The following VCL variants were observed in gnomAD, a reference collection of about 807,000 sequenced individuals.
VCL encodes the protein epididymis luminal protein 114.
In VCL, 47 loss-of-function variants were observed where a neutral mutation model predicts 125.7. The ratio of observed to expected loss-of-function variants is 0.37; its 90% CI spans 0.30 to 0.48. VCL has a LOEUF of 0.48. Ranked by LOEUF, VCL falls within the 20% of genes least tolerant of loss-of-function variation. The probability of loss-of-function intolerance (pLI) is 0.99; values close to 1 mark genes in which losing one functional copy is unlikely to be tolerated. For synonymous variants in VCL, 458 were observed against 514.6 expected (o/e 0.89, Z 1.49); for missense variants, 1,069 against 1,455.5 (o/e 0.73, Z 4.32).
intron 1 of VCL, among the ~76,000 whole-genome samples, chr10:74,032,682 A>G (rs1254893713): frequency 2.9e-5 from 4 of 138,458 alleles, no homozygotes; most frequent in Admixed American, 7.7e-5. Context: ...CCTGGGTAAC[A>G]AAGTAAGTCT....
At chr10:74,017,116 C>T (rs539120478) in intron 1 of VCL, among the ~76,000 whole-genome samples, 6 of 134,762 alleles carry the variant, frequency 4.5e-5, no homozygotes, top group African/African-American at 9.0e-5. Flanking sequence ...GGCGGGATCT[C>T]GGCTCACTGC....
intron 1 of VCL, among the ~76,000 whole-genome samples, chr10:74,021,301 C>T (rs998827062): frequency 2.0e-5 from 3 of 152,028 alleles, no homozygotes; most frequent in African/African-American, 7.2e-5. Context: ...TTCTCTGACC[C>T]CCCTACCCAG....
rs187999797 is a variant in VCL, at chr10:74,009,228, C to T, written c.168+10853C>T. On this transcript the variant is annotated intron_variant, in intron 1 of 21. Transcript: ENST00000211998. Reference sequence around the variant, plus strand: ...GTGGCTGCTGCTTTCCCCCCCCCCCCCCGAGCCATTTTAGTATTTAATTCT... The same window carrying T: ...GTGGCTGCTGCTTTCCCCCCCCCCCTCCGAGCCATTTTAGTATTTAATTCT... Among the ~76,000 whole-genome samples, 305 of 130,068 alleles carry T rather than the reference C, an allele frequency of 2.3e-3. 7 individuals carry two copies. The highest frequency in any genetic ancestry group is 4.3e-3 in the Non-Finnish European group (262 of 60,320). The allele number at this position is 130,068 out of a possible 152,430, so 85.3% of individuals were successfully genotyped here.
chr10:74,077,810 G>T lies in VCL; in HGVS notation c.783+2907G>T. On this transcript the variant is annotated intron_variant, in intron 6 of 21. Coordinates refer to ENST00000211998, the MANE Select transcript of VCL (RefSeq NM_014000.3). ...CCGAATAAGTTAAGATTTTAAAGAG[G>T]CAATGCAATAACTGATTATTTTACC... The T allele has an allele frequency of 6.7e-6, 3 of 449,082 alleles. 1 individual carries two copies. Among genetic ancestry groups the T allele is most frequent in the South Asian group, 4.8e-5 (3 of 63,088 alleles). 27.8% of individuals were successfully genotyped at this position (449,082 alleles called of 1,614,324 possible).
chr10:74,036,639 G>A (rs114102117), intron 1 of VCL, among the ~76,000 whole-genome samples: 3,513 of 152,004 alleles, frequency 0.023, 56 homozygotes, highest in East Asian at 0.06. Context: ...GGGAGGCTGA[G>A]GTGGGAGGAT....
chr10:74,110,732 G>C (rs1376247970), intron 18 of VCL, among the ~76,000 whole-genome samples: 1 of 152,222 alleles, frequency 6.6e-6, no homozygotes, highest in Non-Finnish European at 1.5e-5. Context: ...CAACCTCAAA[G>C]AAAATTCCAT....
intron 11 of VCL, 65 bp downstream of exon 11, chr10:74,094,526 T>C (rs1839936607): frequency 1.3e-6 from 2 of 1,557,064 alleles, no homozygotes; most frequent in African/African-American, 1.4e-5. Context: ...AAGTTGTTGA[T>C]AGGGGTCCTG....
Position 74,112,070 on chromosome 10 carries a change from G to A in VCL, c.2907G>A (p.Ala969=), listed in dbSNP as rs1840233654. The A allele has an allele frequency of 6.8e-6, 11 of 1,614,152 alleles. No homozygotes were observed. Among genetic ancestry groups the A allele is most frequent in the Middle Eastern group, 1.6e-4 (1 of 6,062 alleles). ...NQPVNQPILA[A]AQSLHREATK... ...CGGTCAACCAGCCCATTCTGGCCGCGGCTCAGTCCTTGCATCGGGAAGCTA... is the reference window on the plus strand; with the variant it reads ...CGGTCAACCAGCCCATTCTGGCCGCAGCTCAGTCCTTGCATCGGGAAGCTA... The change falls in exon 19 of 22, where the codon GCG becomes GCA. Residue 969 remains alanine, a synonymous_variant. Coordinates refer to ENST00000211998, the MANE Select transcript of VCL (RefSeq NM_014000.3).
intron 19 of VCL, 45 bp from the exon 20 acceptor site, chr10:74,114,139 C>T (rs745609519): frequency 4.4e-6 from 7 of 1,606,818 alleles, no homozygotes; most frequent in Non-Finnish European, 6.0e-6. Context: ...CTTAACATGG[C>T]CAGAGCGTGG....
chr10:74,094,837 G>T (rs547005826), intron 11 of VCL, among the ~76,000 whole-genome samples: 13 of 152,326 alleles, frequency 8.5e-5, no homozygotes, highest in African/African-American at 3.1e-4. Context: ...GGGAGGCTGA[G>T]GTGGGAGGAT....
intron 10 of VCL, 75 bp from the exon 11 acceptor site, chr10:74,094,196 T>A (rs1839930542): frequency 6.3e-7 from 1 of 1,576,660 alleles, no homozygotes; most frequent in South Asian, 1.1e-5. Context: ...CTATTAGCAT[T>A]TGTCATTAGC....
At chr10:74,107,084 C>T in intron 16 of VCL, 146 bp from the exon 17 acceptor site, 2 of 1,326,430 alleles carry the variant, frequency 1.5e-6, no homozygotes, top group Non-Finnish European at 2.1e-6. Context: ...CCTTGTCCTG[C>T]CTCCCCCCTT....
intron 1 of VCL, among the ~76,000 whole-genome samples, chr10:74,028,865 A>G (rs934867809): frequency 9.9e-5 from 15 of 152,098 alleles, no homozygotes; most frequent in South Asian, 2.1e-4. Flanking sequence ...TTGCTTATGT[A>G]TGTTTGCAAC....
At chr10:74,069,440 C>G (rs1029006778) in intron 2 of VCL, among the ~76,000 whole-genome samples, 9 of 152,208 alleles carry the variant, frequency 5.9e-5, no homozygotes, top group African/African-American at 2.2e-4. Context: ...TACATACCTA[C>G]AGTGTCCACA....
intron 1 of VCL, among the ~76,000 whole-genome samples, chr10:74,017,339 G>A (rs979861831): frequency 1.5e-4 from 23 of 151,994 alleles, no homozygotes; most frequent in African/African-American, 3.9e-4. Context: ...GAGCCACCGC[G>A]CCCGGCCTCC....
At chr10:74,013,631 A>G (rs1308122746) in intron 1 of VCL, among the ~76,000 whole-genome samples, 19 of 152,070 alleles carry the variant, frequency 1.2e-4, no homozygotes, top group Admixed American at 1.2e-3. Flanking sequence ...CTTATTTTAA[A>G]ATCCCATTGT....
chr10:74,014,517 G>T (rs148928923), intron 1 of VCL, among the ~76,000 whole-genome samples: 1 of 149,724 alleles, frequency 6.7e-6, no homozygotes, highest in African/African-American at 2.5e-5. Context: ...TTACAGGCAT[G>T]AGCCACTATG....
At chr10:74,106,129 C>T (rs577264966) in intron 16 of VCL, among the ~76,000 whole-genome samples, 12 of 151,798 alleles carry the variant, frequency 7.9e-5, no homozygotes, top group Non-Finnish European at 1.8e-4. Flanking sequence ...ACCATGTTGG[C>T]CAGGCTGGTC....
At chr10:74,066,226 A>G (rs1841568244) in intron 2 of VCL, among the ~76,000 whole-genome samples, 1 of 151,854 alleles carries the variant, frequency 6.6e-6, no homozygotes, top group Non-Finnish European at 1.5e-5. Flanking sequence ...CGCCCAGCAA[A>G]TTTTGTATTT....
Sources: gnomAD v4.1 joint callset for allele counts (sites outside exome capture counted in the v4.1 genomes callset) on GRCh38, gnomAD v4.1.1 for gene constraint, MANE v1.5 for transcripts, NCBI Gene and HGNC (gene_info 2026-07-23, HGNC 2026-07-21) for gene names.